ZCCHC7: variants seen among roughly 807,000 people sequenced by gnomAD.
ZCCHC7 encodes zinc finger CCHC-type containing 7.
Under a neutral mutation model 52.0 loss-of-function variants are expected in ZCCHC7, and 35 were observed. That is an observed-to-expected ratio of 0.67 (90% CI 0.51 to 0.89). The LOEUF (loss-of-function observed/expected upper bound fraction) is 0.89, where lower values mean the gene tolerates loss of function less well. Ranked by LOEUF, ZCCHC7 falls within the 40% of genes least tolerant of loss-of-function variation. ZCCHC7 has a pLI of 0.00. For missense variants in ZCCHC7, 574 were observed against 649.1 expected (o/e 0.88, Z 1.26); for synonymous variants, 217 against 221.5 (o/e 0.98, Z 0.18).
intron 2 of ZCCHC7, among the ~76,000 whole-genome samples, chr9:37,130,130 T>C (rs1005099152): frequency 6.6e-6 from 1 of 151,304 alleles, no homozygotes; most frequent in Admixed American, 6.6e-5. Flanking sequence ...TCCCAGCTAC[T>C]TGGGAGGCTA....
intron 2 of ZCCHC7, among the ~76,000 whole-genome samples, chr9:37,224,762 T>C (rs1825007611): frequency 6.6e-6 from 1 of 152,160 alleles, no homozygotes. Flanking sequence ...AGGACAGAAG[T>C]GATGAGATCC....
intron 2 of ZCCHC7, among the ~76,000 whole-genome samples, chr9:37,151,182 A>G (rs560092314): frequency 6.6e-6 from 1 of 151,870 alleles, no homozygotes; most frequent in South Asian, 2.1e-4. Flanking sequence ...TAGCCAGGAT[A>G]GTCTCGATCT....
chr9:37,223,951 A>G (rs1011047286), intron 2 of ZCCHC7, among the ~76,000 whole-genome samples: 5 of 152,142 alleles, frequency 3.3e-5, no homozygotes, highest in Non-Finnish European at 7.4e-5. Context: ...GTTCTATTAA[A>G]AATTGAAGTG....
chr9:37,201,213 G>A (rs947205155), intron 2 of ZCCHC7, among the ~76,000 whole-genome samples: 2 of 152,136 alleles, frequency 1.3e-5, no homozygotes, highest in Non-Finnish European at 2.9e-5. Flanking sequence ...ATTGAAAAGG[G>A]CCAGTTCAAT....
chr9:37,323,900 A>G (rs1830143557), intron 5 of ZCCHC7, among the ~76,000 whole-genome samples: 2 of 152,176 alleles, frequency 1.3e-5, no homozygotes, highest in Non-Finnish European at 2.9e-5. Flanking sequence ...CTTGGTAGCT[A>G]TAAGTCTATG....
At chr9:37,157,312 C>A (rs573182706) in intron 2 of ZCCHC7, among the ~76,000 whole-genome samples, 37 of 151,284 alleles carry the variant, frequency 2.4e-4, no homozygotes, top group Non-Finnish European at 4.6e-4. Flanking sequence ...GCCTGGGCAA[C>A]GTAATGAGAC....
At chr9:37,281,759 A>G (rs1827968315) in intron 2 of ZCCHC7, among the ~76,000 whole-genome samples, 1 of 152,230 alleles carries the variant, frequency 6.6e-6, no homozygotes, top group African/African-American at 2.4e-5. Flanking sequence ...GCATATACAC[A>G]TTAATAATGG....
At chr9:37,268,575 C>T (rs557677204) in intron 2 of ZCCHC7, among the ~76,000 whole-genome samples, 1 of 152,116 alleles carries the variant, frequency 6.6e-6, no homozygotes, top group Admixed American at 6.5e-5. Flanking sequence ...TACAGGCGCC[C>T]GCCACCATGC....
chr9:37,337,049 A>T (rs2118392254), intron 6 of ZCCHC7, among the ~76,000 whole-genome samples: 1 of 152,244 alleles, frequency 6.6e-6, no homozygotes, highest in Admixed American at 6.5e-5. Flanking sequence ...TAACCTTTCA[A>T]TTTAGAGGGC....
intron 2 of ZCCHC7, among the ~76,000 whole-genome samples, chr9:37,269,117 G>A (rs1289473834): frequency 6.6e-6 from 1 of 152,226 alleles, no homozygotes; most frequent in African/African-American, 2.4e-5. Context: ...TTGCTGTCCT[G>A]AAGGTAGGCC....
intron 2 of ZCCHC7, among the ~76,000 whole-genome samples, chr9:37,179,384 C>T (rs1480594457): frequency 6.6e-6 from 1 of 152,096 alleles, no homozygotes; most frequent in East Asian, 1.9e-4. Context: ...TAATAGTGCG[C>T]TGTGTAATGC....
At chr9:37,206,751 G>T (rs529217614) in intron 2 of ZCCHC7, among the ~76,000 whole-genome samples, 4 of 152,088 alleles carry the variant, frequency 2.6e-5, no homozygotes, top group Non-Finnish European at 4.4e-5. Context: ...ACTCAATTAC[G>T]TAGATGGGGT....
chr9:37,203,921 C>G (rs1327771866), intron 2 of ZCCHC7, among the ~76,000 whole-genome samples: 1 of 152,242 alleles, frequency 6.6e-6, no homozygotes, highest in Admixed American at 6.5e-5. Context: ...TACGCTCCCA[C>G]TAGCAATATA....
rs1829253898 is a variant in ZCCHC7, at chr9:37,305,475, A to G, written c.781-69A>G. On this transcript the variant is annotated intron_variant, in intron 4 of 8. Coordinates refer to ENST00000336755, the MANE Select transcript of ZCCHC7 (RefSeq NM_032226.3). ...AGAAAAGATTTTTTTATGGGATTATATTGAAAAACAAATACTAATCTTCTA... is the reference window on the plus strand; with the variant it reads ...AGAAAAGATTTTTTTATGGGATTATGTTGAAAAACAAATACTAATCTTCTA... 1.9e-6 allele frequency: 3 copies of G among 1,568,128 alleles called. No homozygotes were observed. The African/African-American group carries it at 4.1e-5, about 21-fold the overall frequency.
chr9:37,202,682 A>C (rs907848283), intron 2 of ZCCHC7, among the ~76,000 whole-genome samples: 7 of 152,042 alleles, frequency 4.6e-5, no homozygotes, highest in Non-Finnish European at 2.9e-5. Context: ...GGGTTTTACT[A>C]TGTTGCCCAG....
In ZCCHC7 at chr9:37,356,908, C is replaced by T; in HGVS notation, c.1272C>T (p.His424=). Residue 424 remains histidine (H), a synonymous_variant, in exon 9 of 9, where the codon CAC becomes CAT. Coordinates refer to ENST00000336755, the MANE Select transcript of ZCCHC7 (RefSeq NM_032226.3). The stretch of plus-strand genomic sequence containing the variant: ...TAAAAGCAGCAAATGAGAACCCCCA[C>T]CATGATATAAGGAAGGGCCGTGCCT... ...PYIKAANENP[H]HDIRKGRASW... 1 of 1,613,572 alleles carries T rather than the reference C, an allele frequency of 6.2e-7. No homozygotes were observed. Among genetic ancestry groups the T allele is most frequent in the Non-Finnish European group, 8.5e-7 (1 of 1,179,892 alleles).
At chr9:37,274,225 C>T (rs1827571311) in intron 2 of ZCCHC7, among the ~76,000 whole-genome samples, 2 of 147,060 alleles carry the variant, frequency 1.4e-5, no homozygotes, top group Non-Finnish European at 3.0e-5. Context: ...TTTGAATATG[C>T]ATATACACAC....
chr9:37,152,994 C>G (rs1375619918), intron 2 of ZCCHC7, among the ~76,000 whole-genome samples: 1 of 152,110 alleles, frequency 6.6e-6, no homozygotes, highest in African/African-American at 2.4e-5. Context: ...TGGATATTTA[C>G]TTTACATTTT....
chr9:37,192,384 C>T (rs1823063336), intron 2 of ZCCHC7, among the ~76,000 whole-genome samples: 1 of 152,204 alleles, frequency 6.6e-6, no homozygotes, highest in Non-Finnish European at 1.5e-5. Flanking sequence ...CAGTATAGCT[C>T]ATTGCCCTCA....
Sources: gnomAD v4.1 joint callset for allele counts (sites outside exome capture counted in the v4.1 genomes callset) on GRCh38, gnomAD v4.1.1 for gene constraint, MANE v1.5 for transcripts, NCBI Gene and HGNC (gene_info 2026-07-23, HGNC 2026-07-21) for gene names.